The following HNRNPLL variants were observed in gnomAD, a reference collection of about 807,000 sequenced individuals.
The protein encoded by HNRNPLL is heterogeneous nuclear ribonucleoprotein L like, also known as heterogeneous nuclear ribonucleoprotein L-like.
In HNRNPLL, 25 loss-of-function variants were observed where a neutral mutation model predicts 67.1. That is an observed-to-expected ratio of 0.37 (90% CI 0.27 to 0.52). The LOEUF (loss-of-function observed/expected upper bound fraction) is 0.52, where lower values mean the gene tolerates loss of function less well. Ranked by LOEUF, HNRNPLL falls within the 20% of genes least tolerant of loss-of-function variation. The probability of loss-of-function intolerance (pLI) is 0.90; values close to 1 mark genes in which losing one functional copy is unlikely to be tolerated. For missense variants in HNRNPLL, 542 were observed against 673.9 expected (o/e 0.80, Z 2.17); for synonymous variants, 267 against 241.7 (o/e 1.10, Z -0.97).
chr2:38,565,852 A>G (rs1191365470), intron 12 of HNRNPLL: 3 of 189,248 alleles, frequency 1.6e-5, no homozygotes, highest in Admixed American at 6.5e-5. Flanking sequence ...CCCAGCTTCA[A>G]TAATTGTCAA....
At chr2:38,592,105 G>C (rs1170864737) in intron 1 of HNRNPLL, among the ~76,000 whole-genome samples, 1 of 152,098 alleles carries the variant, frequency 6.6e-6, no homozygotes, top group Non-Finnish European at 1.5e-5. Context: ...AAGGATATGA[G>C]AATAAAATAA....
intron 7 of HNRNPLL, among the ~76,000 whole-genome samples, chr2:38,573,940 T>C (rs1666198313): frequency 6.6e-6 from 1 of 151,934 alleles, no homozygotes; most frequent in African/African-American, 2.4e-5. Flanking sequence ...GGTATCTTAT[T>C]CCCCTAATTC....
intron 1 of HNRNPLL, among the ~76,000 whole-genome samples, chr2:38,597,180 G>A (rs535082493): frequency 6.6e-6 from 1 of 152,286 alleles, no homozygotes; most frequent in South Asian, 2.1e-4. Flanking sequence ...ACATTAGTTG[G>A]CACATCCTAC....
intron 6 of HNRNPLL, 164 bp downstream of exon 6, chr2:38,581,749 T>C (rs1666535837): frequency 1.6e-6 from 1 of 628,472 alleles, no homozygotes; most frequent in Non-Finnish European, 2.8e-6. Flanking sequence ...GGGGCACTAA[T>C]GTTCAAGGTT....
At position 38,590,260 on chromosome 2, in the gene HNRNPLL, C is replaced by T. The variant is rs568987471; in HGVS notation, c.308+1270G>A. ...TACTACTATTCCTTTGAAGAAATAA[C>T]CCATTTCTGCTGGATACCCTCTGCT... On this transcript the variant is annotated intron_variant, in intron 2 of 12. Transcript: ENST00000449105. Among the ~76,000 whole-genome samples, 277 of 152,292 alleles carry T rather than the reference C, an allele frequency of 1.8e-3. 1 individual carries two copies. Among genetic ancestry groups the T allele is most frequent in the African/African-American group, 6.4e-3 (265 of 41,558 alleles).
At position 38,598,543 on chromosome 2, in the gene HNRNPLL, A is replaced by T. The variant is rs144444880; in HGVS notation, c.189+3895T>A. 6.0e-3 allele frequency among the ~76,000 whole-genome samples: 918 copies of T among 152,346 alleles called. 7 individuals are homozygous for T. The highest frequency in any genetic ancestry group is 0.021 in the African/African-American group (874 of 41,568). ...GTTGTGTTCAATTTCATGGAGGCAA[A>T]AAAAGCAATATATGATGTAGAACCA... On this transcript the variant is annotated intron_variant, in intron 1 of 12. Coordinates refer to ENST00000449105, the MANE Select transcript of HNRNPLL (RefSeq NM_138394.4).
Position 38,564,081 on chromosome 2 carries a change from C to T in HNRNPLL, c.*101G>A. The T allele has an allele frequency of 1.3e-6, 1 of 769,446 alleles. No homozygotes were observed. The highest frequency in any genetic ancestry group is 2.3e-6 in the Non-Finnish European group (1 of 433,316). The allele number at this position is 769,446 out of a possible 1,614,324, so 47.7% of individuals were successfully genotyped here. On this transcript the variant is annotated 3_prime_UTR_variant, in exon 13 of 13. Transcript: ENST00000449105. ...TTACAGAACAGGATCTTAAAGTAAG[C>T]AAGGCAACATGAGATCAACCATTTT...
At chr2:38,597,347 TA>T (rs1221556197) in intron 1 of HNRNPLL, among the ~76,000 whole-genome samples, 1 of 152,234 alleles carries the variant, frequency 6.6e-6, no homozygotes, top group Non-Finnish European at 1.5e-5. Context: ...TCCATTCTGG[TA>T]AGCTTTCTGG....
rs143183943 is a variant in HNRNPLL at position 38,568,726 on chromosome 2, G to A, written c.1417-283C>T. ...GACCAGGATTTATCTAGTACTTAAGGTAGGGAGTAGAGTTCCACAAAATCA... is the reference window on the plus strand; with the variant it reads ...GACCAGGATTTATCTAGTACTTAAGATAGGGAGTAGAGTTCCACAAAATCA... On this transcript the variant is annotated intron_variant, in intron 10 of 12. Coordinates refer to ENST00000449105, the MANE Select transcript of HNRNPLL (RefSeq NM_138394.4). Among the ~76,000 whole-genome samples the A allele has an allele frequency of 4.4e-4, 67 of 152,228 alleles. 3 individuals are homozygous for A. In the East Asian group the frequency reaches 0.013, roughly 29 times the overall value.
chr2:38,568,857 A>G (rs996101830), intron 10 of HNRNPLL, among the ~76,000 whole-genome samples: 10 of 152,146 alleles, frequency 6.6e-5, no homozygotes, highest in South Asian at 2.1e-4. Flanking sequence ...TAAAGACACG[A>G]TATGTCTTTA....
At position 38,563,776 on chromosome 2, in the gene HNRNPLL, T is replaced by TAA. The variant is rs1322917973; in HGVS notation, c.*404_*405dup. ...TTAATATGAGTAACTGCAACATACT[T>TAA]AAACATCTAAACATATAATAGGAAT... is the stretch of plus-strand genomic sequence containing the variant. On this transcript the variant is annotated 3_prime_UTR_variant, in exon 13 of 13. Transcript: ENST00000449105. The TAA allele has an allele frequency of 6.5e-6, 1 of 154,736 alleles. No individual in the cohort carries two copies. Among genetic ancestry groups the TAA allele is most frequent in the Non-Finnish European group, 1.4e-5 (1 of 69,854 alleles). The allele number at this position is 154,736 out of a possible 1,614,324, so 9.6% of individuals were successfully genotyped here. A position where few individuals can be genotyped will look rare whatever the true frequency, so the allele number is the denominator to read the frequency against.
In HNRNPLL at chr2:38,591,580, A is replaced by C. The variant is rs1316383447; in HGVS notation, c.258T>G (p.Ser86=). 6.2e-7 allele frequency: 1 copy of C among 1,613,976 alleles called. No homozygotes were observed. The highest frequency in any genetic ancestry group is 8.5e-7 in the Non-Finnish European group (1 of 1,179,818). ...PVVHVRGLCE[S]VVEADLVEAL... ...CTTCCACGAGGTCTGCTTCCACCAC[A>C]GATTCACAGAGTCCTCGAACATGGA... Residue 86 remains serine (S), a synonymous_variant, in exon 2 of 13, where the codon TCT becomes TCG. Coordinates refer to ENST00000449105, the MANE Select transcript of HNRNPLL (RefSeq NM_138394.4).
At chr2:38,584,118 G>A (rs1004357984) in intron 3 of HNRNPLL, among the ~76,000 whole-genome samples, 192 bp from the exon 4 acceptor site, 2 of 152,148 alleles carry the variant, frequency 1.3e-5, no homozygotes, top group African/African-American at 4.8e-5. Flanking sequence ...CTAGAGTGCA[G>A]TGGCACGATC....
At chr2:38,581,847 G>C (rs1158743229) in intron 6 of HNRNPLL, 66 bp downstream of exon 6, 1 of 1,012,046 alleles carries the variant, frequency 9.9e-7, no homozygotes, top group Non-Finnish European at 1.6e-6. Context: ...CAGGAAAAAA[G>C]AATCTAACTG....
intron 2 of HNRNPLL, among the ~76,000 whole-genome samples, chr2:38,590,401 G>A (rs1666910320): frequency 6.6e-6 from 1 of 152,060 alleles, no homozygotes; most frequent in African/African-American, 2.4e-5. Flanking sequence ...AAAACACACT[G>A]AAATTTCTCT....
intron 2 of HNRNPLL, 149 bp from the exon 3 acceptor site, chr2:38,586,030 T>C (rs1666716416): frequency 1.6e-6 from 1 of 633,570 alleles, no homozygotes; most frequent in Admixed American, 2.8e-5. Context: ...GTCAACTTTT[T>C]TTTTTTTTTG....
In HNRNPLL at chr2:38,569,945, A is replaced by G; in HGVS notation, c.1093-20T>C. On this transcript the variant is annotated intron_variant, in intron 8 of 12. Coordinates refer to ENST00000449105, the MANE Select transcript of HNRNPLL (RefSeq NM_138394.4). ...TTTTACCTGTAAACACAAAATTCCA[A>G]AAAGGTGACCATTTAATTCCCTTTT... 1 of 1,557,108 alleles carries G rather than the reference A, an allele frequency of 6.4e-7. No homozygotes were observed. The highest frequency in any genetic ancestry group is 1.4e-5 in the African/African-American group (1 of 72,362).
At chr2:38,579,110 C>A (rs547616973) in intron 6 of HNRNPLL, among the ~76,000 whole-genome samples, 1 of 152,192 alleles carries the variant, frequency 6.6e-6, no homozygotes, top group Non-Finnish European at 1.5e-5. Flanking sequence ...ATAATGTCTT[C>A]ATGACTCAGT....
chr2:38,572,874 C>T (rs1000440656), intron 8 of HNRNPLL, among the ~76,000 whole-genome samples: 2 of 152,010 alleles, frequency 1.3e-5, no homozygotes, highest in Non-Finnish European at 2.9e-5. Context: ...AAAGTAACTG[C>T]TCTTTCAACC....
Sources: allele counts gnomAD v4.1 joint callset (sites outside exome capture counted in the v4.1 genomes callset), GRCh38; gene constraint gnomAD v4.1.1; transcripts MANE v1.5; gene names NCBI Gene and HGNC (gene_info 2026-07-23, HGNC 2026-07-21).